CCT3: variants seen among roughly 807,000 people sequenced by gnomAD.
CCT3 encodes the protein chaperonin containing TCP1 subunit 3.
In CCT3, 10 loss-of-function variants were observed where a neutral mutation model predicts 65.3. The ratio of observed to expected loss-of-function variants is 0.15; its 90% CI spans 0.09 to 0.26. The LOEUF (loss-of-function observed/expected upper bound fraction) is 0.26. CCT3 is among the 10% of genes least tolerant of loss of function. The pLI, the probability that CCT3 is intolerant of heterozygous loss-of-function variation, is 1.00. For synonymous variants in CCT3, 225 were observed against 242.3 expected (o/e 0.93, Z 0.66); for missense variants, 626 against 708.7 (o/e 0.88, Z 1.33).
Position 156,309,257 on chromosome 1 carries a change from T to G in CCT3, c.1580A>C (p.Lys527Thr). The G allele has an allele frequency of 1.2e-6, 2 of 1,614,120 alleles. No individual in the cohort carries two copies. Among genetic ancestry groups the G allele is most frequent in the Non-Finnish European group, 1.7e-6 (2 of 1,180,002 alleles). ...LRIDDIVSGH[K>T]KKGDDQSRQG... ...CCGGCTCTGGTCATCGCCTTTCTTTTTGTGGCCTGAAACGATGTCATCAAT... is the reference window on the plus strand; with the variant it reads ...CCGGCTCTGGTCATCGCCTTTCTTTGTGTGGCCTGAAACGATGTCATCAAT... Residue 527 changes from lysine (K) to threonine (T), a missense_variant, in exon 14 of 14, where the codon AAA becomes ACA. Physicochemically the swap from Lys to Thr is moderately conservative, Grantham distance 78 (BLOSUM62 -1). Transcript: ENST00000295688.
At chr1:156,327,004 C>A (rs1245337909) in intron 5 of CCT3, among the ~76,000 whole-genome samples, 1 of 152,120 alleles carries the variant, frequency 6.6e-6, no homozygotes, top group Non-Finnish European at 1.5e-5. Flanking sequence ...GGAGACTGTG[C>A]CCAGGCACCC....
chr1:156,322,492 C>T (rs1000111108), intron 6 of CCT3, among the ~76,000 whole-genome samples: 3 of 151,778 alleles, frequency 2.0e-5, no homozygotes, highest in African/African-American at 4.8e-5. Flanking sequence ...CGAGACCCCC[C>T]GCCACCCCAA....
intron 6 of CCT3, among the ~76,000 whole-genome samples, chr1:156,324,347 G>A (rs1664706924): frequency 6.6e-6 from 1 of 152,138 alleles, no homozygotes; most frequent in South Asian, 2.1e-4. Flanking sequence ...ACAGGCGTGA[G>A]CCACCGAGCC....
At chr1:156,334,614 G>T (rs1369572708) in intron 4 of CCT3, 99 bp downstream of exon 4, 3 of 1,050,674 alleles carry the variant, frequency 2.9e-6, no homozygotes, top group Non-Finnish European at 4.3e-6. Flanking sequence ...ATCTGTTATA[G>T]CAGCCCTAAA....
intron 13 of CCT3, among the ~76,000 whole-genome samples, chr1:156,309,842 G>C (rs890389199): frequency 6.6e-6 from 1 of 151,118 alleles, no homozygotes; most frequent in Non-Finnish European, 1.5e-5. Context: ...TTCGAGACCA[G>C]CCCGGCCAAC....
intron 2 of CCT3, 121 bp downstream of exon 2, chr1:156,335,706 C>A: frequency 1.4e-6 from 1 of 730,290 alleles, no homozygotes; most frequent in Non-Finnish European, 2.3e-6. Flanking sequence ...AAGAGGTCAA[C>A]TTTTCCTCTG....
Position 156,336,968 on chromosome 1 carries a change from G to A in CCT3, c.32-1080C>T, listed in dbSNP as rs1665408732. On this transcript the variant is annotated intron_variant, in intron 1 of 13. Transcript: ENST00000295688. The stretch of plus-strand genomic sequence containing the variant: ...GTTATTTCCCAGGTACAGAGATAAT[G>A]AATAATAACTCTGAAAGGCAGTCAG... 5 of 550,434 alleles carry A rather than the reference G, an allele frequency of 9.1e-6. No individual in the cohort carries two copies. The South Asian group carries it at 1.1e-4, about 12-fold the overall frequency. The allele number at this position is 550,434 out of a possible 1,614,324, so 34.1% of individuals were successfully genotyped here. A position where few individuals can be genotyped will look rare whatever the true frequency, so the allele number is the denominator to read the frequency against.
intron 13 of CCT3, among the ~76,000 whole-genome samples, chr1:156,309,569 G>T (rs1385282478): frequency 6.6e-6 from 1 of 151,914 alleles, no homozygotes; most frequent in African/African-American, 2.4e-5. Context: ...TGGGATTACA[G>T]GCCTGCACCA....
At position 156,338,273 on chromosome 1, in the gene CCT3, G is replaced by T; in HGVS notation, c.-89C>A. Reference sequence around the variant, plus strand: ...AGAACCAGACAGAAGCCCAGAAAACGCTGCCTCCTCAGGGCTTACACCTCA... The same window carrying T: ...AGAACCAGACAGAAGCCCAGAAAACTCTGCCTCCTCAGGGCTTACACCTCA... On this transcript the variant is annotated 5_prime_UTR_variant, in exon 1 of 14. Coordinates refer to ENST00000295688, the MANE Select transcript of CCT3 (RefSeq NM_005998.5). 7.3e-7 allele frequency: 1 copy of T among 1,377,006 alleles called. No homozygotes were observed. Among genetic ancestry groups the T allele is most frequent in the Non-Finnish European group, 1.0e-6 (1 of 990,214 alleles). The allele number at this position is 1,377,006 out of a possible 1,614,324, so 85.3% of individuals were successfully genotyped here.
At chr1:156,315,670 A>G (rs1480202104) in intron 10 of CCT3, among the ~76,000 whole-genome samples, 1 of 152,188 alleles carries the variant, frequency 6.6e-6, no homozygotes, top group East Asian at 1.9e-4. Context: ...AAAATTATAC[A>G]TGGATTTTCA....
chr1:156,331,004 C>T (rs1251923067), intron 5 of CCT3, among the ~76,000 whole-genome samples: 1 of 151,414 alleles, frequency 6.6e-6, no homozygotes, highest in Non-Finnish European at 1.5e-5. Flanking sequence ...GAGGCTGAGG[C>T]AGGTGGATCA....
At chr1:156,331,394 A>G (rs939887180) in intron 5 of CCT3, among the ~76,000 whole-genome samples, 6 of 152,102 alleles carry the variant, frequency 3.9e-5, no homozygotes, top group Non-Finnish European at 8.8e-5. Context: ...ATAAATTAGC[A>G]TCCCTTGGCT....
chr1:156,319,251 T>C (rs56939242), intron 7 of CCT3, among the ~76,000 whole-genome samples: 3,276 of 151,598 alleles, frequency 0.022, 106 homozygotes, highest in African/African-American at 0.074. Flanking sequence ...TAGCTGGGAC[T>C]ACAGGCGCCC....
Position 156,311,268 on chromosome 1 carries a change from C to A in CCT3, c.1156-73G>T, listed in dbSNP as rs1313195216. 4.7e-6 allele frequency: 7 copies of A among 1,478,696 alleles called. No homozygotes were observed. In the African/African-American group the frequency reaches 5.5e-5, roughly 12 times the overall value. The allele number at this position is 1,478,696 out of a possible 1,614,324, so 91.6% of individuals were successfully genotyped here. A position where few individuals can be genotyped will look rare whatever the true frequency, so the allele number is the denominator to read the frequency against. ...AAAATCGGAGGCACCAAAAGGACTT[C>A]CTAACTGCCAAAGTTAGTAAACCAC... On this transcript the variant is annotated intron_variant, in intron 11 of 13. Coordinates refer to ENST00000295688, the MANE Select transcript of CCT3 (RefSeq NM_005998.5).
intron 13 of CCT3, 38 bp downstream of exon 13, chr1:156,310,512 AAATAAATT>A (rs778572747): frequency 5.8e-6 from 8 of 1,390,004 alleles, no homozygotes; most frequent in African/African-American, 4.4e-5. Context: ...ATAGATAAAT[AAATAAATT>A]AATTAAAACA....
chr1:156,325,142 C>T, intron 5 of CCT3, 53 bp from the exon 6 acceptor site: 2 of 1,254,882 alleles, frequency 1.6e-6, no homozygotes, highest in Non-Finnish European at 2.3e-6. Context: ...GATATCAAGG[C>T]AAGTAACTTA....
Position 156,317,222 on chromosome 1 carries a change from C to T in CCT3, c.918G>A (p.Arg306=). 6.2e-7 allele frequency: 1 copy of T among 1,614,138 alleles called. No homozygotes were observed. The highest frequency in any genetic ancestry group is 8.5e-7 in the Non-Finnish European group (1 of 1,180,016). Residue 306 remains arginine (R), a synonymous_variant, in exon 10 of 14, where the codon CGG becomes CGA. Transcript: ENST00000295688. ...ISDLAQHYLM[R]ANITAIRRVR... is the part of the protein sequence containing the mutation. ...CTCTGCGGATGGCTGTGATATTGGC[C>T]CGCATAAGGTAGTGCTGAGCTAAAT... is the stretch of plus-strand genomic sequence containing the variant.
chr1:156,327,487 T>G (rs1419034488), intron 5 of CCT3, among the ~76,000 whole-genome samples: 1 of 152,164 alleles, frequency 6.6e-6, no homozygotes, highest in Admixed American at 6.5e-5. Flanking sequence ...GAGACGGGGT[T>G]TCGCTGTGTT....
At position 156,312,046 on chromosome 1, in the gene CCT3, G is replaced by C. The variant is rs746203604; in HGVS notation, c.1150C>G (p.Leu384Val). The C allele has an allele frequency of 1.2e-6, 2 of 1,610,930 alleles. No individual in the cohort carries two copies. Among genetic ancestry groups the C allele is most frequent in the South Asian group, 1.1e-5 (1 of 90,688 alleles). ...ILLRGASKEI[L>V]SEVERNLQDA... ...TACATCCAAGGCTGACTCACCGAGAGAATCTCTTTGCTAGCCCCCCGGAGG... is the reference window on the plus strand; with the variant it reads ...TACATCCAAGGCTGACTCACCGAGACAATCTCTTTGCTAGCCCCCCGGAGG... Residue 384 changes from leucine (L) to valine (V), a missense_variant, in exon 11 of 14, where the codon CTC (leucine) becomes GTC (valine). Coordinates refer to ENST00000295688, the MANE Select transcript of CCT3 (RefSeq NM_005998.5).
Sources: allele counts gnomAD v4.1 joint callset (sites outside exome capture counted in the v4.1 genomes callset), GRCh38; gene constraint gnomAD v4.1.1; transcripts MANE v1.5; gene names NCBI Gene and HGNC (gene_info 2026-07-23, HGNC 2026-07-21).